RPL32: variants seen among roughly 807,000 people sequenced by gnomAD.
RPL32 encodes the protein large ribosomal subunit protein eL32.
For synonymous variants in RPL32, 61 were observed against 62.6 expected, an observed-to-expected ratio of 0.98 and a Z score of 0.12; for missense variants, 117 against 173.7, an observed-to-expected ratio of 0.67 and a Z score of 1.83.
chr3:12,839,631 C>G (rs755775758), intron 2 of RPL32, 101 bp from the exon 3 acceptor site: 11 of 1,151,782 alleles, frequency 9.6e-6, no homozygotes, highest in Non-Finnish European at 1.4e-5. Flanking sequence ...AAGTATGCCA[C>G]ACAGTAGTTG....
intron 3 of RPL32, among the ~76,000 whole-genome samples, chr3:12,837,215 C>T (rs1040147338): frequency 4.6e-5 from 7 of 152,214 alleles, no homozygotes; most frequent in African/African-American, 1.7e-4. Flanking sequence ...CTGGCTTGGG[C>T]ATTTTCCACA....
chr3:12,840,421 G>T, intron 1 of RPL32, 179 bp from the exon 2 acceptor site: 1 of 729,596 alleles, frequency 1.4e-6, no homozygotes. Context: ...CAGAATACTA[G>T]GCACTCTCCA....
intron 1 of RPL32, chr3:12,841,169 C>G (rs924213212): frequency 6.6e-6 from 1 of 152,328 alleles, no homozygotes. Context: ...ATCCACAGAT[C>G]CCAGCTGAAA....
chr3:12,840,700 T>TA (rs982203332), intron 1 of RPL32: 25 of 347,566 alleles, frequency 7.2e-5, no homozygotes, highest in African/African-American at 1.9e-4. Context: ...AAATGTTCAA[T>TA]AAAACCTTCT....
At chr3:12,839,571 A>G (rs1369545403) in intron 2 of RPL32, 41 bp from the exon 3 acceptor site, 1 of 1,588,254 alleles carries the variant, frequency 6.3e-7, no homozygotes, top group Non-Finnish European at 8.6e-7. Context: ...GTCTGTGCAG[A>G]GTGCGAACTC....
At chr3:12,838,305 G>T (rs7638085) in intron 3 of RPL32, among the ~76,000 whole-genome samples, 27,549 of 152,084 alleles carry the variant, frequency 0.18, 3,295 homozygotes, top group African/African-American at 0.35. Flanking sequence ...TCTTGGGAGG[G>T]TGAGGCAGAA....
rs201432338 is a variant in RPL32 at position 12,839,455 on chromosome 3, T to C, written c.172A>G (p.Ile58Val). ...GTTTTTTTGTTGCTTCCATAACCAATGTTGGGCATCAAGATCTGGCCCTTG... is the reference window on the plus strand; with the variant it reads ...GTTTTTTTGTTGCTTCCATAACCAACGTTGGGCATCAAGATCTGGCCCTTG... ...RFKGQILMPNIGYGSNKKTKH... is the reference protein window; with the variant it reads ...RFKGQILMPNVGYGSNKKTKH... Residue 58 changes from isoleucine to valine, a missense_variant, in exon 3 of 4, where the codon ATT becomes GTT. Transcript: ENST00000429711. The C allele has an allele frequency of 1.1e-4, 179 of 1,614,056 alleles. No homozygotes were observed. Among genetic ancestry groups the C allele is most frequent in the Non-Finnish European group, 1.5e-4 (176 of 1,180,034 alleles).
intron 3 of RPL32, among the ~76,000 whole-genome samples, chr3:12,836,615 A>G (rs1334639192): frequency 6.6e-6 from 1 of 152,232 alleles, no homozygotes; most frequent in Non-Finnish European, 1.5e-5. Flanking sequence ...AACTCTTTGC[A>G]AAATGGTCAA....
chr3:12,839,068 G>A (rs1415863066), intron 3 of RPL32: 4 of 513,624 alleles, frequency 7.8e-6, no homozygotes, highest in Non-Finnish European at 1.4e-5. Context: ...TATTGTAGTA[G>A]TGGAAAGTGG....
intron 3 of RPL32, among the ~76,000 whole-genome samples, chr3:12,836,524 G>A (rs1437483588): frequency 3.3e-5 from 5 of 152,086 alleles, no homozygotes; most frequent in East Asian, 1.9e-4. Flanking sequence ...ACAGGGATCC[G>A]GGGCGAACCC....
At chr3:12,839,009 T>C (rs1302758061) in intron 3 of RPL32, 14 of 369,306 alleles carry the variant, frequency 3.8e-5, no homozygotes, top group South Asian at 1.4e-4. Flanking sequence ...ACTCTTTTGC[T>C]TGACACCTTC....
chr3:12,836,727 T>G (rs1303313317), intron 3 of RPL32, among the ~76,000 whole-genome samples: 1 of 152,230 alleles, frequency 6.6e-6, no homozygotes, highest in African/African-American at 2.4e-5. Flanking sequence ...CACCCAGTCA[T>G]AGCCATGCCT....
chr3:12,838,872 T>C (rs1219512698), intron 3 of RPL32, among the ~76,000 whole-genome samples: 3 of 152,216 alleles, frequency 2.0e-5, no homozygotes, highest in African/African-American at 7.2e-5. Flanking sequence ...CCCTAAAATA[T>C]GTAAAACCAA....
intron 1 of RPL32, chr3:12,840,713 T>C: frequency 2.9e-6 from 1 of 340,934 alleles, no homozygotes; most frequent in Admixed American, 3.8e-5. Flanking sequence ...AACCTTCTAA[T>C]TCCCTAGGGA....
rs1334654788 is a variant in RPL32 at position 12,839,540 on chromosome 3, A to G, written c.97-10T>C. On this transcript the variant is annotated splice_polypyrimidine_tract_variant and intron_variant, in intron 2 of 3. Coordinates refer to ENST00000429711, the MANE Select transcript of RPL32 (RefSeq NM_000994.4). ...GTTTCCGCCAGTTACGCTGAAGGAA[A>G]TAATACACAGGTGGGTTAGCGTCTG... 1 of 1,614,026 alleles carries G rather than the reference A, an allele frequency of 6.2e-7. No individual in the cohort carries two copies. The highest frequency in any genetic ancestry group is 8.5e-7 in the Non-Finnish European group (1 of 1,179,834).
In RPL32 at chr3:12,835,728, T is replaced by C. The variant is rs569739947; in HGVS notation, c.*366A>G. 83 of 189,414 alleles carry C rather than the reference T, an allele frequency of 4.4e-4. 2 individuals carry two copies. The Middle Eastern group carries it at 8.5e-3, about 20-fold the overall frequency. The allele number at this position is 189,414 out of a possible 1,614,324, so 11.7% of individuals were successfully genotyped here. Reference sequence around the variant, plus strand: ...CAATTCTCACAAGCATCACATGGAATAACTTGTCACCTAACTTTACAAAAG... The same window carrying C: ...CAATTCTCACAAGCATCACATGGAACAACTTGTCACCTAACTTTACAAAAG... On this transcript the variant is annotated 3_prime_UTR_variant, in exon 4 of 4. Coordinates refer to ENST00000429711, the MANE Select transcript of RPL32 (RefSeq NM_000994.4).
At chr3:12,839,877 AGGC>A (rs768052904) in intron 2 of RPL32, among the ~76,000 whole-genome samples, 1 of 152,222 alleles carries the variant, frequency 6.6e-6, no homozygotes, top group Non-Finnish European at 1.5e-5. Context: ...TGCTGTCACA[AGGC>A]AACCCAAAAT....
chr3:12,839,050 C>T, intron 3 of RPL32: 2 of 455,042 alleles, frequency 4.4e-6, no homozygotes, highest in South Asian at 5.3e-5. Context: ...GAAACAACAG[C>T]CAAAGGATAT....
chr3:12,837,522 TGTTACA>T (rs2062108819), intron 3 of RPL32, among the ~76,000 whole-genome samples: 1 of 152,210 alleles, frequency 6.6e-6, no homozygotes, highest in African/African-American at 2.4e-5. Context: ...AGGTATTGCC[TGTTACA>T]GTTCAACTCA....
Sources: gnomAD v4.1 joint callset for allele counts (sites outside exome capture counted in the v4.1 genomes callset) on GRCh38, gnomAD v4.1.1 for gene constraint, MANE v1.5 for transcripts, NCBI Gene and HGNC (gene_info 2026-07-23, HGNC 2026-07-21) for gene names.